Variants in NR3C1 observed in about 807,000 individuals in gnomAD.
NR3C1 encodes the protein nuclear receptor subfamily 3 group C member 1, also known as glucocorticoid receptor.
Under a neutral mutation model 74.0 loss-of-function variants are expected in NR3C1, and 14 were observed. That is an observed-to-expected ratio of 0.19 (90% CI 0.12 to 0.30). The LOEUF (loss-of-function observed/expected upper bound fraction) is 0.30. Among genes scored for constraint, NR3C1 ranks in the 10% least tolerant of loss-of-function variants. The pLI is 1.00. For missense variants in NR3C1, 695 were observed against 909.8 expected, an observed-to-expected ratio of 0.76 and a Z score of 3.04; for synonymous variants, 308 against 332.5, an observed-to-expected ratio of 0.93 and a Z score of 0.80.
Position 143,288,340 on chromosome 5 carries a change from C to T in NR3C1, c.2024-5615G>A, listed in dbSNP as rs1020892072. ...TTCACCATGTTGGTCAGGCTGGTCT[C>T]GAACTCCTGACTTGATGATCTGCCC... On this transcript the variant is annotated intron_variant, in intron 7 of 8. Transcript: ENST00000394464. Among the ~76,000 whole-genome samples, 10 of 151,784 alleles carry T rather than the reference C, an allele frequency of 6.6e-5. No homozygotes were observed. The East Asian group carries it at 7.7e-4, about 12-fold the overall frequency.
rs755487574 is a variant in NR3C1 at position 143,400,288 on chromosome 5, A to G, written c.552T>C (p.Tyr184=). The G allele has an allele frequency of 4.7e-5, 75 of 1,607,836 alleles. No homozygotes were observed. The highest frequency in any genetic ancestry group is 6.0e-5 in the Non-Finnish European group (71 of 1,176,886). Residue 184 remains tyrosine, a synonymous_variant, in exon 2 of 9, where the codon TAT becomes TAC. Coordinates refer to ENST00000394464, the MANE Select transcript of NR3C1 (RefSeq NM_000176.3). ...TGTNGGNVKL[Y]TTDQSTFDIL... The stretch of plus-strand genomic sequence containing the variant: ...TGTCAAAGGTGCTTTGGTCTGTGGT[A>G]TACAATTTCACATTGCCACCGTTGG...
chr5:143,367,554 G>A (rs1049540887), intron 2 of NR3C1, among the ~76,000 whole-genome samples: 6 of 152,222 alleles, frequency 3.9e-5, no homozygotes, highest in Middle Eastern at 3.4e-3. Context: ...TTTCAGCTAG[G>A]TTGCAGGATA....
chr5:143,335,707 C>T (rs1826998728), intron 2 of NR3C1, among the ~76,000 whole-genome samples: 1 of 152,164 alleles, frequency 6.6e-6, no homozygotes, highest in Non-Finnish European at 1.5e-5. Context: ...ACTCCTATGT[C>T]AATAGATATT....
At chr5:143,430,345 C>A (rs1486718520) in intron 1 of NR3C1, among the ~76,000 whole-genome samples, 2 of 152,092 alleles carry the variant, frequency 1.3e-5, no homozygotes, top group Admixed American at 6.5e-5. Context: ...CCATGGATAT[C>A]TCTGGATGTG....
chr5:143,351,441 T>C (rs1830203481), intron 2 of NR3C1, among the ~76,000 whole-genome samples: 1 of 152,156 alleles, frequency 6.6e-6, no homozygotes, highest in African/African-American at 2.4e-5. Flanking sequence ...AGAGTCAGGA[T>C]TATAGACATA....
At chr5:143,384,872 C>T (rs1423988563) in intron 2 of NR3C1, among the ~76,000 whole-genome samples, 1 of 152,220 alleles carries the variant, frequency 6.6e-6, no homozygotes. Context: ...TAGGCAGTGC[C>T]CCAGTGGGGT....
At chr5:143,308,414 T>C (rs995920582) in intron 4 of NR3C1, among the ~76,000 whole-genome samples, 4 of 152,134 alleles carry the variant, frequency 2.6e-5, no homozygotes, top group Non-Finnish European at 4.4e-5. Flanking sequence ...CAGTGAGCCA[T>C]GTTCATGTCA....
chr5:143,293,977 C>A, intron 7 of NR3C1: 1 of 984,534 alleles, frequency 1.0e-6, no homozygotes, highest in Non-Finnish European at 1.2e-6. Flanking sequence ...TTAATCACTT[C>A]TTTAACAAGT....
At chr5:143,394,154 GAA>G (rs1040322332) in intron 2 of NR3C1, among the ~76,000 whole-genome samples, 1 of 151,842 alleles carries the variant, frequency 6.6e-6, no homozygotes, top group African/African-American at 2.4e-5. Context: ...TTGCTAAAAA[GAA>G]AAAATATTTA....
chr5:143,294,115 G>A, intron 7 of NR3C1: 7 of 985,002 alleles, frequency 7.1e-6, no homozygotes, highest in Non-Finnish European at 8.4e-6. Context: ...AGCAAAAATA[G>A]TGTGAAAACA....
chr5:143,357,253 A>AT (rs10482638), intron 2 of NR3C1, among the ~76,000 whole-genome samples: 5,170 of 152,288 alleles, frequency 0.034, 247 homozygotes, highest in African/African-American at 0.1. Context: ...TCAAATTTAG[A>AT]TTGATACTTT....
At chr5:143,301,913 T>A (rs1013333349) in intron 4 of NR3C1, among the ~76,000 whole-genome samples, 4 of 152,120 alleles carry the variant, frequency 2.6e-5, no homozygotes, top group African/African-American at 9.6e-5. Flanking sequence ...CCATTCTTAT[T>A]GTGTTCTATA....
chr5:143,341,798 T>C (rs1308042394), intron 2 of NR3C1, among the ~76,000 whole-genome samples: 5 of 152,212 alleles, frequency 3.3e-5, no homozygotes, highest in Admixed American at 6.5e-5. Flanking sequence ...TATAAAATTA[T>C]AATTTACAAC....
intron 2 of NR3C1, among the ~76,000 whole-genome samples, chr5:143,327,074 A>G (rs1824761712): frequency 6.6e-6 from 1 of 152,190 alleles, no homozygotes; most frequent in Non-Finnish European, 1.5e-5. Context: ...CCATTCTGAC[A>G]CTGCTATAAA....
intron 2 of NR3C1, chr5:143,333,279 C>A: frequency 1.2e-6 from 1 of 843,278 alleles, no homozygotes; most frequent in Admixed American, 2.0e-5. Flanking sequence ...CTTGGGCTGA[C>A]TTTTGATAGG....
At chr5:143,434,760 G>A in exon 1 of NR3C1, 1 of 985,466 alleles carries the variant, frequency 1.0e-6, no homozygotes, top group Non-Finnish European at 1.2e-6. Context: ...CGTCACAGAA[G>A]CTGGCCCCTT....
chr5:143,333,222 A>T, intron 2 of NR3C1: 1 of 1,470,740 alleles, frequency 6.8e-7, no homozygotes. Flanking sequence ...CAATCAGCTC[A>T]TCCGTCAGCT....
chr5:143,420,726 G>T (rs1387557172), intron 1 of NR3C1, among the ~76,000 whole-genome samples: 5 of 152,074 alleles, frequency 3.3e-5, no homozygotes. Flanking sequence ...GAATTACCCG[G>T]CCCAAAATGT....
chr5:143,339,636 G>A (rs1326891725), intron 2 of NR3C1, among the ~76,000 whole-genome samples: 1 of 152,164 alleles, frequency 6.6e-6, no homozygotes, highest in Admixed American at 6.5e-5. Context: ...TGACTGCTCT[G>A]TTGTTTGTTC....
Sources: allele counts gnomAD v4.1 joint callset (sites outside exome capture counted in the v4.1 genomes callset), GRCh38; gene constraint gnomAD v4.1.1; transcripts MANE v1.5; gene names NCBI Gene and HGNC (gene_info 2026-07-23, HGNC 2026-07-21).